TMEM267: variants seen among roughly 807,000 people sequenced by gnomAD.
The protein encoded by TMEM267 is transmembrane protein C5orf28.
TMEM267 carries 20 observed loss-of-function variants against 19.3 expected under a neutral mutation model. The observed-to-expected ratio is 1.04, with a 90% CI of 0.73 to 1.51. TMEM267 has a LOEUF of 1.51. TMEM267 is among the 40% of genes most tolerant of loss of function. The probability of loss-of-function intolerance (pLI) is 0.00; values close to 1 mark genes in which losing one functional copy is unlikely to be tolerated. For missense variants in TMEM267, 242 were observed against 261.9 expected, an observed-to-expected ratio of 0.92 and a Z score of 0.52; for synonymous variants, 88 against 90.3, an observed-to-expected ratio of 0.97 and a Z score of 0.15.
Position 43,444,780 on chromosome 5 carries a change from T to C in TMEM267, c.*1442A>G, listed in dbSNP as rs1402095623. 1 of 152,084 alleles carries C rather than the reference T, an allele frequency of 6.6e-6. No individual in the cohort carries two copies. Among genetic ancestry groups the C allele is most frequent in the Non-Finnish European group, 1.5e-5 (1 of 68,018 alleles). 9.4% of individuals were successfully genotyped at this position (152,084 alleles called of 1,614,324 possible). ...CCCCACTATATAATATTTACCATTA[T>C]ACCAACCAAACTTATACAATAATTA... On this transcript the variant is annotated 3_prime_UTR_variant, in exon 3 of 3. Coordinates refer to ENST00000397080, the MANE Select transcript of TMEM267 (RefSeq NM_022483.5).
rs201322664 is a variant in TMEM267 at position 43,459,000 on chromosome 5, CA to C, written c.-74-4958del. ...GAGAAAACCTTTAGAGTTTCTATGT[CA>C]AAAAAAAAAAATTATCTTCCAAAGA... On this transcript the variant is annotated intron_variant, in intron 1 of 2. Transcript: ENST00000397080. Among the ~76,000 whole-genome samples the C allele has an allele frequency of 5.3e-3, 784 of 148,020 alleles. 10 individuals carry two copies. The highest frequency in any genetic ancestry group is 0.018 in the African/African-American group (715 of 40,776).
chr5:43,457,553 T>C (rs1483952991), intron 1 of TMEM267, among the ~76,000 whole-genome samples: 1 of 152,040 alleles, frequency 6.6e-6, no homozygotes, highest in Non-Finnish European at 1.5e-5. Flanking sequence ...GCTACACACT[T>C]TAAACAGCCA....
chr5:43,459,744 T>C (rs1471092432), intron 1 of TMEM267, among the ~76,000 whole-genome samples: 2 of 152,178 alleles, frequency 1.3e-5, no homozygotes, highest in Non-Finnish European at 2.9e-5. Flanking sequence ...ATATAATTTA[T>C]AAATTTTATT....
At chr5:43,477,461 G>A (rs890975443) in intron 1 of TMEM267, among the ~76,000 whole-genome samples, 1 of 152,112 alleles carries the variant, frequency 6.6e-6, no homozygotes, top group Admixed American at 6.5e-5. Flanking sequence ...GGGCATGATG[G>A]CGTGTGCCTG....
At chr5:43,451,474 G>C in intron 2 of TMEM267, among the ~76,000 whole-genome samples, 1 of 152,044 alleles carries the variant, frequency 6.6e-6, no homozygotes. Context: ...AGAAGACACA[G>C]AAGCAGCCAA....
chr5:43,456,914 T>A (rs889811684), intron 1 of TMEM267, among the ~76,000 whole-genome samples: 2 of 152,262 alleles, frequency 1.3e-5, no homozygotes, highest in African/African-American at 2.4e-5. Flanking sequence ...CAAAAGCTTA[T>A]GTGTACACAA....
intron 1 of TMEM267, among the ~76,000 whole-genome samples, chr5:43,478,105 T>C (rs1162742280): frequency 1.3e-5 from 2 of 152,182 alleles, no homozygotes; most frequent in South Asian, 4.1e-4. Flanking sequence ...CCCAAATATA[T>C]TACATTGAAC....
At chr5:43,451,461 A>C (rs1210336861) in intron 2 of TMEM267, among the ~76,000 whole-genome samples, 1 of 152,194 alleles carries the variant, frequency 6.6e-6, no homozygotes, top group Non-Finnish European at 1.5e-5. Context: ...GACATTTTTC[A>C]AAAGAAGACA....
At chr5:43,456,785 C>T (rs148890880) in intron 1 of TMEM267, among the ~76,000 whole-genome samples, 23 of 152,294 alleles carry the variant, frequency 1.5e-4, no homozygotes, top group African/African-American at 3.4e-4. Context: ...AGAACTCATA[C>T]GCTGCTGGTC....
At chr5:43,468,305 T>G (rs1361534205) in intron 1 of TMEM267, among the ~76,000 whole-genome samples, 1 of 152,158 alleles carries the variant, frequency 6.6e-6, no homozygotes, top group Non-Finnish European at 1.5e-5. Context: ...ACTGCGGATA[T>G]AGCTTGCCAC....
chr5:43,458,985 T>A (rs985382699), intron 1 of TMEM267, among the ~76,000 whole-genome samples: 1 of 143,964 alleles, frequency 6.9e-6, no homozygotes, highest in African/African-American at 2.7e-5. Flanking sequence ...GAGAAAACCT[T>A]TAGAGTTTCT....
Position 43,446,488 on chromosome 5 carries a change from G to A in TMEM267, c.382C>T (p.Leu128=). The change falls in exon 3 of 3, where the codon CTG becomes TTG. Residue 128 remains leucine (L), a synonymous_variant. Transcript: ENST00000397080. ...STVIPVVVLT[L]KFTMHLFKLK... ...TTGAAAAGGTGCATAGTAAATTTCA[G>A]GGTCAGAACCACAACGGGAATCACA... 2 of 1,614,020 alleles carry A rather than the reference G, an allele frequency of 1.2e-6. No individual in the cohort carries two copies. The highest frequency in any genetic ancestry group is 1.7e-6 in the Non-Finnish European group (2 of 1,179,946).
chr5:43,469,638 A>T (rs903301651), intron 1 of TMEM267, among the ~76,000 whole-genome samples: 3 of 152,252 alleles, frequency 2.0e-5, no homozygotes, highest in African/African-American at 7.2e-5. Flanking sequence ...TATATGACAG[A>T]TCCATAGCTA....
chr5:43,457,249 A>T (rs1249464404), intron 1 of TMEM267, among the ~76,000 whole-genome samples: 1 of 152,200 alleles, frequency 6.6e-6, no homozygotes, highest in East Asian at 1.9e-4. Flanking sequence ...AAATATTAAT[A>T]ATGGGGAAAA....
chr5:43,451,367 T>A (rs1742578653), intron 2 of TMEM267, among the ~76,000 whole-genome samples: 1 of 152,100 alleles, frequency 6.6e-6, no homozygotes, highest in Non-Finnish European at 1.5e-5. Context: ...AAAGGGCTCA[T>A]ATCCAGAATC....
At position 43,446,190 on chromosome 5, in the gene TMEM267, A is replaced by G; in HGVS notation, c.*32T>C. 7.4e-7 allele frequency: 1 copy of G among 1,350,188 alleles called. No individual in the cohort carries two copies. Among genetic ancestry groups the G allele is most frequent in the Non-Finnish European group, 1.0e-6 (1 of 957,444 alleles). The allele number at this position is 1,350,188 out of a possible 1,614,324, so 83.6% of individuals were successfully genotyped here. Reference sequence around the variant, plus strand: ...GGCTACTCTTAATTATCATCATCTGAGCCATTTGCTTCTCTAAGACTGCCG... The same window carrying G: ...GGCTACTCTTAATTATCATCATCTGGGCCATTTGCTTCTCTAAGACTGCCG... On this transcript the variant is annotated 3_prime_UTR_variant, in exon 3 of 3. Coordinates refer to ENST00000397080, the MANE Select transcript of TMEM267 (RefSeq NM_022483.5).
intron 1 of TMEM267, among the ~76,000 whole-genome samples, chr5:43,482,883 T>A (rs1744873355): frequency 6.6e-6 from 1 of 152,226 alleles, no homozygotes; most frequent in Admixed American, 6.5e-5. Flanking sequence ...TTGCTAATAA[T>A]CTCTTAGACA....
At chr5:43,484,297 C>T (rs566055293), upstream of TMEM267, 2 of 152,354 alleles carry the variant, frequency 1.3e-5, no homozygotes, top group East Asian at 3.9e-4. Flanking sequence ...CGTCGCATCT[C>T]TAAGGTGCAG....
At chr5:43,462,764 C>A (rs1743345113) in intron 1 of TMEM267, among the ~76,000 whole-genome samples, 1 of 151,958 alleles carries the variant, frequency 6.6e-6, no homozygotes, top group Non-Finnish European at 1.5e-5. Context: ...GAATAAAAAA[C>A]AATGAAGCAC....
Sources: gnomAD v4.1 joint callset for allele counts (sites outside exome capture counted in the v4.1 genomes callset) on GRCh38, gnomAD v4.1.1 for gene constraint, MANE v1.5 for transcripts, NCBI Gene and HGNC (gene_info 2026-07-23, HGNC 2026-07-21) for gene names.